CEP295: variants seen among roughly 807,000 people sequenced by gnomAD.
CEP295 encodes the protein centrosomal protein of 295 kDa.
A neutral mutation model predicts 291.6 loss-of-function variants in CEP295; 190 were observed. The observed-to-expected ratio is 0.65, with a 90% CI of 0.58 to 0.73. CEP295 has a LOEUF of 0.73. CEP295 is among the 30% of genes least tolerant of loss of function. CEP295 has a pLI of 0.00. For synonymous variants in CEP295, 993 were observed against 1,038.8 expected, an observed-to-expected ratio of 0.96 and a Z score of 0.85; for missense variants, 2,863 against 2,949.4, an observed-to-expected ratio of 0.97 and a Z score of 0.68.
In CEP295 at chr11:93,699,916, T is replaced by C; in HGVS notation, c.5004T>C (p.Thr1668=). ...LPFAEAKPKS[T]CELYSSQNEH... ...TTGCAGAAGCTAAACCTAAAAGCAC[T>C]TGTGAATTGTATTCATCCCAGAATG... Residue 1668 remains threonine (T), a synonymous_variant, in exon 15 of 30, where the codon ACT becomes ACC. Transcript: ENST00000325212. 6.4e-7 allele frequency: 1 copy of C among 1,551,804 alleles called. No homozygotes were observed. Among genetic ancestry groups the C allele is most frequent in the African/African-American group, 1.4e-5 (1 of 73,174 alleles).
In CEP295 at chr11:93,698,401, G is replaced by A. The variant is rs898606125; in HGVS notation, c.3489G>A (p.Leu1163=). 6.4e-7 allele frequency: 1 copy of A among 1,552,092 alleles called. No homozygotes were observed. The highest frequency in any genetic ancestry group is 2.4e-5 in the East Asian group (1 of 40,918). ...ATAGCCTGGCACAGCAAGAAAATTT[G>A]ACAATACTCCAAGAACAGTCACAAA... ...PQHSLAQQEN[L]TILQEQSQIQ... is the part of the protein sequence containing the mutation. Residue 1163 remains leucine, a synonymous_variant, in exon 15 of 30, where the codon TTG becomes TTA. Coordinates refer to ENST00000325212, the MANE Select transcript of CEP295 (RefSeq NM_033395.2).
At chr11:93,702,682 T>G (rs1337554619) in intron 16 of CEP295, 45 bp downstream of exon 16, 2 of 1,530,392 alleles carry the variant, frequency 1.3e-6, no homozygotes, top group African/African-American at 1.4e-5. Context: ...TGATTATTCC[T>G]TGTTTTCGTC....
intron 3 of CEP295, among the ~76,000 whole-genome samples, chr11:93,668,332 T>G (rs931449503): frequency 1.6e-4 from 24 of 152,282 alleles, no homozygotes; most frequent in Admixed American, 2.0e-4. Context: ...GAAAATATCT[T>G]AAGACTGTGG....
Position 93,683,663 on chromosome 11 carries a change from A to T in CEP295, c.870A>T (p.Pro290=), listed in dbSNP as rs773437102. Residue 290 remains proline, a synonymous_variant, in exon 8 of 30, where the codon CCA becomes CCT. Transcript: ENST00000325212. ...AQMPPQLVEL[P]YKRSEMKEDW... is the part of the protein sequence containing the mutation. ...TGCCACCACAACTAGTTGAACTTCC[A>T]TACAAACGCAGTGAAATGAAAGAAG... 3.2e-6 allele frequency: 5 copies of T among 1,550,380 alleles called. No individual in the cohort carries two copies. The Admixed American group carries it at 7.9e-5, about 25-fold the overall frequency.
In CEP295 at chr11:93,698,586, G is replaced by A; in HGVS notation, c.3674G>A (p.Ser1225Asn). The A allele has an allele frequency of 1.3e-6, 2 of 1,552,094 alleles. No individual in the cohort carries two copies. Among genetic ancestry groups the A allele is most frequent in the African/African-American group, 1.4e-5 (1 of 73,156 alleles). Residue 1225 changes from serine to asparagine, a missense_variant, in exon 15 of 30, where the codon AGT (serine) becomes AAT (asparagine). Transcript: ENST00000325212. ...ERFQECISIKSDSTIPLSHPK... is the reference protein window; with the variant it reads ...ERFQECISIKNDSTIPLSHPK... ...TTCCAGGAATGTATATCAATCAAGA[G>A]TGACAGTACCATTCCCTTAAGCCAT... is the stretch of plus-strand genomic sequence containing the variant.
In CEP295 at chr11:93,683,623, A is replaced by G; in HGVS notation, c.830A>G (p.Gln277Arg). 1 of 1,549,052 alleles carries G rather than the reference A, an allele frequency of 6.5e-7. No homozygotes were observed. The highest frequency in any genetic ancestry group is 8.7e-7 in the Non-Finnish European group (1 of 1,146,434). ...LQQEDLARRR[Q>R]TVAQMPPQLV... Reference sequence around the variant, plus strand: ...CAAGAGGACCTGGCACGTAGGAGACAGACTGTAGCACAAATGCCACCACAA... The same window carrying G: ...CAAGAGGACCTGGCACGTAGGAGACGGACTGTAGCACAAATGCCACCACAA... Residue 277 changes from glutamine to arginine, a missense_variant, in exon 8 of 30, where the codon CAG (glutamine) becomes CGG (arginine). Transcript: ENST00000325212.
intron 13 of CEP295, 130 bp downstream of exon 13, chr11:93,695,764 A>T: frequency 3.7e-6 from 4 of 1,089,628 alleles, no homozygotes; most frequent in Non-Finnish European, 3.7e-6. Context: ...TAATCTCAGC[A>T]CTTTGGGTGG....
Position 93,727,603 on chromosome 11 carries a change from GAT to G in CEP295, c.7128_7129del (p.Ser2377IlefsTer31), listed in dbSNP as rs1199799235. On this transcript the variant is annotated frameshift_variant, in exon 24 of 30. Coordinates refer to ENST00000325212, the MANE Select transcript of CEP295 (RefSeq NM_033395.2). LOFTEE classifies it high-confidence loss of function. ...GAATCAGAGCTTTTTGCAAGTTCTGGATCATTTTCATTACAGAGCTCTATACC... is the reference window on the plus strand; with the variant it reads ...GAATCAGAGCTTTTTGCAAGTTCTGGCATTTTCATTACAGAGCTCTATACC... 1 of 1,549,896 alleles carries G rather than the reference GAT, an allele frequency of 6.5e-7. No individual in the cohort carries two copies. The highest frequency in any genetic ancestry group is 1.2e-5 in the South Asian group (1 of 83,806).
At chr11:93,703,577 T>G (rs1952315025) in intron 17 of CEP295, among the ~76,000 whole-genome samples, 1 of 147,610 alleles carries the variant, frequency 6.8e-6, no homozygotes, top group Non-Finnish European at 1.5e-5. Context: ...ACACTCAGGT[T>G]TTTTTTTTTT....
intron 1 of CEP295, among the ~76,000 whole-genome samples, chr11:93,663,874 C>T (rs1950098454): frequency 6.6e-6 from 1 of 151,870 alleles, no homozygotes; most frequent in Admixed American, 6.6e-5. Flanking sequence ...CTAGGTATAC[C>T]ATTTGAGGAA....
chr11:93,696,895 A>C lies in CEP295; in HGVS notation c.1983A>C (p.Ile661=). The part of the protein sequence containing the change: ...LKLSPNKYQP[I]QPIQTSKLEQ... ...TGAGTCCTAACAAATACCAACCCAT[A>C]CAACCTATACAGACCTCCAAATTAG... Residue 661 remains isoleucine, a synonymous_variant, in exon 15 of 30, where the codon ATA becomes ATC. Transcript: ENST00000325212. 1 of 1,551,986 alleles carries C rather than the reference A, an allele frequency of 6.4e-7. No homozygotes were observed. Among genetic ancestry groups the C allele is most frequent in the Non-Finnish European group, 8.7e-7 (1 of 1,147,056 alleles).
Position 93,699,090 on chromosome 11 carries a change from A to G in CEP295, c.4178A>G (p.Asp1393Gly). Residue 1393 changes from aspartate (D) to glycine (G), a missense_variant, in exon 15 of 30, where the codon GAC becomes GGC. By Grantham distance (94) the Asp-to-Gly change is moderately conservative. Coordinates refer to ENST00000325212, the MANE Select transcript of CEP295 (RefSeq NM_033395.2). ...WEGRISPEQV[D>G]TSSLPLVPQH... ...GGAAGAATATCTCCCGAGCAGGTTG[A>G]CACCTCTTCCTTACCCCTAGTACCA... The G allele has an allele frequency of 6.5e-7, 1 of 1,547,704 alleles. No individual in the cohort carries two copies. Among genetic ancestry groups the G allele is most frequent in the Non-Finnish European group, 8.7e-7 (1 of 1,147,078 alleles).
In CEP295 at chr11:93,687,194, C is replaced by T. The variant is rs80061774; in HGVS notation, c.1115-450C>T. On this transcript the variant is annotated intron_variant, in intron 9 of 29. Transcript: ENST00000325212. ...GGGAGCAGTTGATTTGCTTTTATGG[C>T]TATGATGTTTTCCTCTGTAGCTCAC... Among the ~76,000 whole-genome samples, 209 of 152,252 alleles carry T rather than the reference C, an allele frequency of 1.4e-3. 1 individual carries two copies. Among genetic ancestry groups the T allele is most frequent in the African/African-American group, 4.9e-3 (204 of 41,560 alleles).
rs558857335 is a variant in CEP295 at position 93,664,293 on chromosome 11, C to G, written c.-26-2389C>G. On this transcript the variant is annotated intron_variant, in intron 1 of 29. Coordinates refer to ENST00000325212, the MANE Select transcript of CEP295 (RefSeq NM_033395.2). ...AACAGCTTAAATAAAATTTTCGCCA[C>G]TCCACATATTTTTGTGTGTTGGAAA... Among the ~76,000 whole-genome samples, 19 of 152,294 alleles carry G rather than the reference C, an allele frequency of 1.2e-4. No individual in the cohort carries two copies. In the South Asian group the frequency reaches 3.9e-3, roughly 32 times the overall value.
chr11:93,724,005 A>C, intron 21 of CEP295: 1 of 232,320 alleles, frequency 4.3e-6, no homozygotes, highest in South Asian at 1.6e-4. Flanking sequence ...TTCTCTAAAA[A>C]TAAAACTTAA....
chr11:93,670,637 G>GT (rs1347400921), intron 5 of CEP295, among the ~76,000 whole-genome samples: 1 of 152,058 alleles, frequency 6.6e-6, no homozygotes, highest in Non-Finnish European at 1.5e-5. Context: ...CTGCTTGTAC[G>GT]TTGAGCCATC....
chr11:93,696,557 G>A, intron 14 of CEP295, 125 bp from the exon 15 acceptor site: 1 of 1,055,224 alleles, frequency 9.5e-7, no homozygotes, highest in South Asian at 1.7e-5. Flanking sequence ...GACAATGTGA[G>A]TGTAATTTCT....
intron 22 of CEP295, among the ~76,000 whole-genome samples, chr11:93,725,223 G>T (rs1954055567): frequency 6.6e-6 from 1 of 150,882 alleles, no homozygotes; most frequent in South Asian, 2.1e-4. Flanking sequence ...CTCCAGCCTG[G>T]ACAACATAGT....
rs74553095 is a variant in CEP295, at chr11:93,718,392, G to A, written c.5750-2920G>A. 7.4e-3 allele frequency among the ~76,000 whole-genome samples: 1,131 copies of A among 152,300 alleles called. 2 individuals carry two copies. The highest frequency in any genetic ancestry group is 0.011 in the Non-Finnish European group (728 of 68,026). On this transcript the variant is annotated intron_variant, in intron 18 of 29. Transcript: ENST00000325212. ...TGGCATGAAAAGATAGCAGTAAGGT[G>A]TTACTTTCATTATGTCACTTCCCCT...
Sources: gnomAD v4.1 joint callset for allele counts (sites outside exome capture counted in the v4.1 genomes callset) on GRCh38, gnomAD v4.1.1 for gene constraint, MANE v1.5 for transcripts, NCBI Gene and HGNC (gene_info 2026-07-23, HGNC 2026-07-21) for gene names.